TRAF1: variants seen among roughly 807,000 people sequenced by gnomAD.
The protein encoded by TRAF1 is TNF receptor associated factor 1.
In TRAF1, 23 loss-of-function variants were observed where a neutral mutation model predicts 40.9. That is an observed-to-expected ratio of 0.56 (90% CI 0.40 to 0.80). The LOEUF (loss-of-function observed/expected upper bound fraction) is 0.80. TRAF1 is among the 30% of genes least tolerant of loss of function. The pLI, the probability that TRAF1 is intolerant of heterozygous loss-of-function variation, is 0.00. For synonymous variants in TRAF1, 206 were observed against 218.8 expected, an observed-to-expected ratio of 0.94 and a Z score of 0.52; for missense variants, 477 against 528.7, an observed-to-expected ratio of 0.90 and a Z score of 0.96.
rs1421651116 is a variant in TRAF1 at position 120,909,332 on chromosome 9, G to T, written c.930C>A (p.Tyr310Ter). 2 of 1,614,164 alleles carry T rather than the reference G, an allele frequency of 1.2e-6. No homozygotes were observed. The highest frequency in any genetic ancestry group is 1.7e-6 in the Non-Finnish European group (2 of 1,180,040). Residue 310 changes from tyrosine (Y) to a stop codon, truncating the protein, a stop_gained, in exon 7 of 8, where the codon TAC becomes TAA. Transcript: ENST00000373887. LOFTEE classifies it high-confidence loss of function. ...KYGYKLCLRLYLNGDGTGKRT... is the reference protein window; with the variant it reads ...KYGYKLCLRL ...TCTTTCCAGTGCCATCTCCATTCAG[G>T]TACAGCCGCAGGCACAACTTGTAGC...
intron 7 of TRAF1, 49 bp downstream of exon 7, chr9:120,909,181 T>C (rs201090941): frequency 6.3e-7 from 1 of 1,593,012 alleles, no homozygotes; most frequent in South Asian, 1.1e-5. Context: ...GGACTAGGAC[T>C]CAGGCTTCCA....
rs752597626 is a variant in TRAF1 at position 120,913,581 on chromosome 9, T to A, written c.452A>T (p.Gln151Leu). The change falls in exon 5 of 8, where the codon CAG becomes CTG. Residue 151 changes from glutamine (Q) to leucine (L), a missense_variant. Coordinates refer to ENST00000373887, the MANE Select transcript of TRAF1 (RefSeq NM_005658.5). Reference sequence around the variant, plus strand: ...GTCCCCCGCCACTTCCACGGCTGCCTGCAGCTGCAGGTCTGACAGGTTCTG... The same window carrying A: ...GTCCCCCGCCACTTCCACGGCTGCCAGCAGCTGCAGGTCTGACAGGTTCTG... ...LEQNLSDLQL[Q>L]AAVEVAGDLE... is the part of the protein sequence containing the mutation. 2 of 1,613,960 alleles carry A rather than the reference T, an allele frequency of 1.2e-6. No homozygotes were observed. Among genetic ancestry groups the A allele is most frequent in the Non-Finnish European group, 1.7e-6 (2 of 1,179,978 alleles).
At chr9:120,914,576 C>T (rs937075633) in intron 3 of TRAF1, 2 of 1,107,656 alleles carry the variant, frequency 1.8e-6, no homozygotes, top group Non-Finnish European at 2.2e-6. Flanking sequence ...AATCATCACT[C>T]ACTCTCTGGT....
chr9:120,924,697 GAGCCAC>G (rs1180784581), intron 2 of TRAF1, among the ~76,000 whole-genome samples: 2 of 152,226 alleles, frequency 1.3e-5, no homozygotes, highest in African/African-American at 4.8e-5. Context: ...TTACAGGCAT[GAGCCAC>G]TGCGCCTGGC....
intron 3 of TRAF1, among the ~76,000 whole-genome samples, chr9:120,919,451 G>A (rs1011737137): frequency 1.3e-5 from 2 of 152,192 alleles, no homozygotes; most frequent in Non-Finnish European, 2.9e-5. Flanking sequence ...TGACTGTTAA[G>A]AGGGTGCTGG....
At position 120,923,741 on chromosome 9, in the gene TRAF1, A is replaced by G; in HGVS notation, c.192T>C (p.Ser64=). 1 of 1,614,162 alleles carries G rather than the reference A, an allele frequency of 6.2e-7. No homozygotes were observed. The highest frequency in any genetic ancestry group is 8.5e-7 in the Non-Finnish European group (1 of 1,180,012). Residue 64 remains serine, a synonymous_variant, in exon 3 of 8, where the codon TCT becomes TCC. Coordinates refer to ENST00000373887, the MANE Select transcript of TRAF1 (RefSeq NM_005658.5). ...TTCGAAGACGGCTTCCTGGGCTTAT[A>G]GACTGGAGGTCTTCCCCTCTGCATT... ...CPKCRGEDLQ[S]ISPGSRLRTQ... is the part of the protein sequence containing the mutation.
At chr9:120,911,735 A>G (rs891480155) in intron 5 of TRAF1, among the ~76,000 whole-genome samples, 3 of 152,068 alleles carry the variant, frequency 2.0e-5, no homozygotes, top group African/African-American at 7.2e-5. Context: ...GCCTTCAACC[A>G]CTGTCCTAGC....
chr9:120,925,676 C>T lies in TRAF1; in HGVS notation c.140+260G>A, dbSNP rs1588154269. Among the ~76,000 whole-genome samples the T allele has an allele frequency of 2.0e-5, 3 of 152,376 alleles. No individual in the cohort carries two copies. In the East Asian group the frequency reaches 5.8e-4, roughly 29 times the overall value. ...CAGAGCACCAGACCACACAGTGAGA[C>T]AGTGGCCTCACAGCCTCGAGGCTCT... On this transcript the variant is annotated intron_variant, in intron 2 of 7. Coordinates refer to ENST00000373887, the MANE Select transcript of TRAF1 (RefSeq NM_005658.5).
At chr9:120,923,614 G>A in intron 3 of TRAF1, 91 bp downstream of exon 3, 1 of 1,234,920 alleles carries the variant, frequency 8.1e-7, no homozygotes, top group Non-Finnish European at 1.2e-6. Flanking sequence ...GGAGGTGCCT[G>A]CCAGGGGTGG....
At chr9:120,918,864 T>C (rs565705158) in intron 3 of TRAF1, among the ~76,000 whole-genome samples, 38 of 152,304 alleles carry the variant, frequency 2.5e-4, no homozygotes, top group African/African-American at 8.9e-4. Context: ...CTGGCACTCA[T>C]GTAGACACTG....
chr9:120,905,361 C>T (rs2131616106), intron 7 of TRAF1, 123 bp from the exon 8 acceptor site: 5 of 1,084,128 alleles, frequency 4.6e-6, no homozygotes, highest in East Asian at 5.2e-5. Context: ...ACCCTTGGCT[C>T]ATTTGGATTA....
Position 120,925,929 on chromosome 9 carries a change from A to G in TRAF1, c.140+7T>C. The G allele has an allele frequency of 6.2e-7, 1 of 1,613,426 alleles. No homozygotes were observed. The highest frequency in any genetic ancestry group is 8.5e-7 in the Non-Finnish European group (1 of 1,179,752). The stretch of plus-strand genomic sequence containing the variant: ...TCTGCCCACCCTCCGCTCCTCCATC[A>G]CCTCACCTCGGGTTCTCAGAGAGAC... On this transcript the variant is annotated splice_region_variant and intron_variant, in intron 2 of 7. Coordinates refer to ENST00000373887, the MANE Select transcript of TRAF1 (RefSeq NM_005658.5).
In TRAF1 at chr9:120,926,180, T is replaced by G; in HGVS notation, c.-105A>C. 8.0e-7 allele frequency: 1 copy of G among 1,254,624 alleles called. No individual in the cohort carries two copies. Among genetic ancestry groups the G allele is most frequent in the Non-Finnish European group, 1.1e-6 (1 of 935,004 alleles). 77.7% of individuals were successfully genotyped at this position (1,254,624 alleles called of 1,614,324 possible). A position where few individuals can be genotyped will look rare whatever the true frequency, so the allele number is the denominator to read the frequency against. On this transcript the variant is annotated 5_prime_UTR_variant, in exon 2 of 8. Transcript: ENST00000373887. The stretch of plus-strand genomic sequence containing the variant: ...GCCTCACTCTCTGGTGAGTAGGAGC[T>G]CTGATGACTTTATCTTCTTCTCTCT...
chr9:120,915,517 T>C (rs1432170451), intron 3 of TRAF1, among the ~76,000 whole-genome samples: 1 of 152,128 alleles, frequency 6.6e-6, no homozygotes, highest in Non-Finnish European at 1.5e-5. Context: ...TACAACCTAA[T>C]AAGAGACAAA....
rs1245425223 is a variant in TRAF1 at position 120,913,361 on chromosome 9, C to T, written c.672G>A (p.Leu224=). Residue 224 remains leucine (L), a synonymous_variant, in exon 5 of 8, where the codon CTG becomes CTA. Transcript: ENST00000373887. Reference sequence around the variant, plus strand: ...CCAAGCTCAGGATGCGCTCACGGTCCAGCTGGCTCTGGTGGATAGAGGTGG... The same window carrying T: ...CCAAGCTCAGGATGCGCTCACGGTCTAGCTGGCTCTGGTGGATAGAGGTGG... ...ALATSIHQSQ[L]DRERILSLEQ... is the part of the protein sequence containing the mutation. 2 of 1,613,382 alleles carry T rather than the reference C, an allele frequency of 1.2e-6. No individual in the cohort carries two copies. Among genetic ancestry groups the T allele is most frequent in the East Asian group, 2.2e-5 (1 of 44,864 alleles).
chr9:120,917,106 G>A (rs552185653), intron 3 of TRAF1, among the ~76,000 whole-genome samples: 17 of 152,352 alleles, frequency 1.1e-4, no homozygotes, highest in East Asian at 5.8e-4. Context: ...CTGTCCTGGC[G>A]TTGTGTGAAC....
At position 120,902,560 on chromosome 9, in the gene TRAF1, A is replaced by C; in HGVS notation, c.*2460T>G. 1 of 151,350 alleles carries C rather than the reference A, an allele frequency of 6.6e-6. No individual in the cohort carries two copies. The allele number at this position is 151,350 out of a possible 1,614,324, so 9.4% of individuals were successfully genotyped here. A position where few individuals can be genotyped will look rare whatever the true frequency, so the allele number is the denominator to read the frequency against. On this transcript the variant is annotated 3_prime_UTR_variant, in exon 8 of 8. Transcript: ENST00000373887. Reference sequence around the variant, plus strand: ...CTGCATCTGATGCTGTCTACACTCCAGTTCATCTGACCCTTCTGACTCCCT... The same window carrying C: ...CTGCATCTGATGCTGTCTACACTCCCGTTCATCTGACCCTTCTGACTCCCT...
intron 7 of TRAF1, among the ~76,000 whole-genome samples, chr9:120,905,903 C>T (rs988392458): frequency 1.7e-4 from 26 of 152,216 alleles, no homozygotes; most frequent in African/African-American, 1.9e-4. Flanking sequence ...GGACCCCCTG[C>T]GGAGACTTCA....
chr9:120,912,739 G>A (rs866260537), intron 5 of TRAF1, among the ~76,000 whole-genome samples: 1 of 152,222 alleles, frequency 6.6e-6, no homozygotes, highest in African/African-American at 2.4e-5. Flanking sequence ...ACCAAGAACT[G>A]TGGCCAAGTG....
Sources: gnomAD v4.1 joint callset for allele counts (sites outside exome capture counted in the v4.1 genomes callset) on GRCh38, gnomAD v4.1.1 for gene constraint, MANE v1.5 for transcripts, NCBI Gene and HGNC (gene_info 2026-07-23, HGNC 2026-07-21) for gene names.